The following ADGRE2 variants were observed in gnomAD, a reference collection of about 807,000 sequenced individuals.
ADGRE2 encodes adhesion G protein-coupled receptor E2, also known as CD97 antigen.
Under a neutral mutation model 100.8 loss-of-function variants are expected in ADGRE2, and 83 were observed. The ratio of observed to expected loss-of-function variants is 0.82; its 90% confidence interval spans 0.69 to 0.99. The LOEUF is 0.99. Ranked by LOEUF, ADGRE2 falls within the 50% of genes least tolerant of loss-of-function variation. ADGRE2 has a pLI of 0.00. For synonymous variants in ADGRE2, 355 were observed against 413.0 expected (o/e 0.86, Z 1.70); for missense variants, 814 against 1,035.7 (o/e 0.79, Z 2.94).
In ADGRE2 at chr19:14,736,061, C is replaced by A; in HGVS notation, c.*175G>T. ...CACATTGCAGGGCATGGAAGATTTC[C>A]GGTTTCTGCAGGAATTGAATGCCTA... On this transcript the variant is annotated 3_prime_UTR_variant, in exon 21 of 21. Coordinates refer to ENST00000315576, the MANE Select transcript of ADGRE2 (RefSeq NM_013447.4). 1.6e-6 allele frequency: 1 copy of A among 632,330 alleles called. No individual in the cohort carries two copies. The highest frequency in any genetic ancestry group is 2.6e-5 in the Admixed American group (1 of 38,746). 39.2% of individuals were successfully genotyped at this position (632,330 alleles called of 1,614,324 possible). A position where few individuals can be genotyped will look rare whatever the true frequency, so the allele number is the denominator to read the frequency against.
At position 14,773,981 on chromosome 19, in the gene ADGRE2, G is replaced by T. The variant is rs1169112111; in HGVS notation, c.156C>A (p.Ser52Arg). Residue 52 changes from serine (S) to arginine (R), a missense_variant, in exon 4 of 21, where the codon AGC (serine) becomes AGA (arginine). Ser to Arg is a moderately radical substitution (Grantham distance 110). Around this residue, in one of 5 missense-constraint regions of ADGRE2, gnomAD observed 143 missense variants for 160.3 expected, o/e 0.89. Transcript: ENST00000315576. ...GGGTGGTGATGATCTCAGAAAAAGA[G>T]CTGAACCCTGGATTGCAGCGACAGG... ...ATACRCNPGF[S>R]SFSEIITTPM... is the part of the protein sequence containing the mutation. 1 of 1,614,178 alleles carries T rather than the reference G, an allele frequency of 6.2e-7. No individual in the cohort carries two copies. The highest frequency in any genetic ancestry group is 8.5e-7 in the Non-Finnish European group (1 of 1,180,040).
chr19:14,731,314 C>G, downstream of ADGRE2: 2 of 951,660 alleles, frequency 2.1e-6, no homozygotes, highest in Non-Finnish European at 3.2e-6. Flanking sequence ...GCTTGCAGGT[C>G]AGTGGCCTTG....
chr19:14,727,159 CT>C, the ADGRE2 span, among the ~76,000 whole-genome samples: 1 of 150,740 alleles, frequency 6.6e-6, no homozygotes, highest in African/African-American at 2.4e-5. Flanking sequence ...TCCTGAGCAG[CT>C]GGGACTACAG....
At chr19:14,725,309 T>C in the ADGRE2 span, among the ~76,000 whole-genome samples, 1 of 152,146 alleles carries the variant, frequency 6.6e-6, no homozygotes, top group Non-Finnish European at 1.5e-5. Context: ...CCATCTCCAA[T>C]ATTGGGGATT....
At chr19:14,776,975 T>TACACACACACAC in intron 1 of ADGRE2, 48 bp from the exon 2 acceptor site, 1 of 640,904 alleles carries the variant, frequency 1.6e-6, no homozygotes, top group Non-Finnish European at 2.1e-6. Context: ...CCAGGGGCGC[T>TACACACACACAC]GCACACACAC....
chr19:14,774,465 G>C (rs1010499514), intron 2 of ADGRE2, among the ~76,000 whole-genome samples, 159 bp from the exon 3 acceptor site: 3 of 151,766 alleles, frequency 2.0e-5, no homozygotes, highest in African/African-American at 4.8e-5. Context: ...CCACTCGGAT[G>C]CTCAAAGCCA....
At chr19:14,766,072 C>T in intron 7 of ADGRE2, 163 bp downstream of exon 7, 2 of 1,400,616 alleles carry the variant, frequency 1.4e-6, no homozygotes, top group Non-Finnish European at 9.8e-7. Context: ...ACCCCAGCTC[C>T]TTCCGCAGGA....
intron 20 of ADGRE2, among the ~76,000 whole-genome samples, chr19:14,740,451 G>A (rs564998919): frequency 1.8e-4 from 27 of 151,656 alleles, no homozygotes; most frequent in African/African-American, 6.0e-4. Flanking sequence ...GAGAAATCCC[G>A]TCTCTAGTAA....
At chr19:14,754,485 A>ATCTATCTATCTGTCTATCTT (rs1248880509) in intron 14 of ADGRE2, among the ~76,000 whole-genome samples, 1 of 142,858 alleles carries the variant, frequency 7.0e-6, no homozygotes, top group East Asian at 2.1e-4. Context: ...CTATCTATCT[A>ATCTATCTATCTGTCTATCTT]TCTATTCCAT....
intron 18 of ADGRE2, among the ~76,000 whole-genome samples, chr19:14,745,964 A>G (rs1454778258): frequency 6.6e-6 from 1 of 152,124 alleles, no homozygotes; most frequent in Non-Finnish European, 1.5e-5. Flanking sequence ...CCTATTTTGT[A>G]TATATACCAT....
Position 14,738,959 on chromosome 19 carries a change from C to A in ADGRE2, c.2464-2715G>T, listed in dbSNP as rs896631368. Reference sequence around the variant, plus strand: ...AAGAGCAAGACACACATTTTCTTTTCTTTTCTTTTCTTTTTTTTTTTTTTT... The same window carrying A: ...AAGAGCAAGACACACATTTTCTTTTATTTTCTTTTCTTTTTTTTTTTTTTT... On this transcript the variant is annotated intron_variant, in intron 20 of 20. Transcript: ENST00000315576. Among the ~76,000 whole-genome samples, 732 of 132,974 alleles carry A rather than the reference C, an allele frequency of 5.5e-3. 3 individuals carry two copies. Among genetic ancestry groups the A allele is most frequent in the Non-Finnish European group, 6.9e-3 (444 of 63,970 alleles). The allele number at this position is 132,974 out of a possible 152,430, so 87.2% of individuals were successfully genotyped here.
At chr19:14,760,793 C>A (rs1393318846) in intron 11 of ADGRE2, among the ~76,000 whole-genome samples, 2 of 151,988 alleles carry the variant, frequency 1.3e-5, no homozygotes, top group African/African-American at 4.8e-5. Flanking sequence ...GAAAAGCTGA[C>A]CAGCATTTAA....
At chr19:14,773,106 A>G (rs1392305106) in intron 4 of ADGRE2, among the ~76,000 whole-genome samples, 1 of 148,904 alleles carries the variant, frequency 6.7e-6, no homozygotes, top group East Asian at 1.9e-4. Flanking sequence ...AAACAAAAAA[A>G]AAAAGAAAAA....
At chr19:14,732,200 C>T (rs1008417529), downstream of ADGRE2, 2 of 152,214 alleles carry the variant, frequency 1.3e-5, no homozygotes, top group African/African-American at 4.8e-5. Flanking sequence ...ACGTTTATGG[C>T]AGCCCTGTGT....
intron 20 of ADGRE2, among the ~76,000 whole-genome samples, chr19:14,737,044 T>C (rs2042779551): frequency 1.1e-5 from 1 of 91,048 alleles, no homozygotes; most frequent in South Asian, 3.5e-4. Flanking sequence ...TAAGTAACTA[T>C]GTGAGATGAT....
chr19:14,755,428 G>C (rs1367589074), intron 13 of ADGRE2, among the ~76,000 whole-genome samples: 1 of 152,150 alleles, frequency 6.6e-6, no homozygotes, highest in Non-Finnish European at 1.5e-5. Flanking sequence ...ACTCCAGCCT[G>C]GCTGACACAG....
chr19:14,760,807 AAC>A (rs2043690441), intron 11 of ADGRE2, among the ~76,000 whole-genome samples: 1 of 152,090 alleles, frequency 6.6e-6, no homozygotes, highest in Non-Finnish European at 1.5e-5. Context: ...CATTTAACAT[AAC>A]ACAGACCTGA....
rs760159587 is a variant in ADGRE2, at chr19:14,751,411, A to G, written c.2024+25T>C. On this transcript the variant is annotated intron_variant, in intron 16 of 20. Transcript: ENST00000315576. ...TGGCCATGGTTATGCCGGAGAAGAT[A>G]AGGATTGTGAGAATTTGCACTAACC... 5 of 1,550,822 alleles carry G rather than the reference A, an allele frequency of 3.2e-6. 1 individual carries two copies. In the East Asian group the frequency reaches 6.7e-5, roughly 21 times the overall value.
chr19:14,749,466 ATTAG>A (rs1185531494), intron 16 of ADGRE2, among the ~76,000 whole-genome samples: 4 of 99,812 alleles, frequency 4.0e-5, no homozygotes, highest in African/African-American at 1.1e-4. Context: ...ATGTAATATA[ATTAG>A]TTATGTAATA....
Sources: gnomAD v4.1 joint callset for allele counts (sites outside exome capture counted in the v4.1 genomes callset) on GRCh38, gnomAD v4.1.1 for gene constraint, gnomAD v4.1.1 regional missense constraint, MANE v1.5 for transcripts, NCBI Gene and HGNC (gene_info 2026-07-23, HGNC 2026-07-21) for gene names.